The following NIPAL2 variants were observed in gnomAD, a reference collection of about 807,000 sequenced individuals.
NIPAL2 encodes the protein NIPA-like protein 2.
Under a neutral mutation model 48.9 loss-of-function variants are expected in NIPAL2, and 43 were observed. That is an observed-to-expected ratio of 0.88 (90% confidence interval 0.69 to 1.13). The LOEUF (loss-of-function observed/expected upper bound fraction) is 1.13. NIPAL2 is among the 50% of genes most tolerant of loss of function. NIPAL2 has a pLI of 0.00. For synonymous variants in NIPAL2, 167 were observed against 174.6 expected (o/e 0.96, Z 0.34); for missense variants, 446 against 461.4 (o/e 0.97, Z 0.31).
intron 1 of NIPAL2, among the ~76,000 whole-genome samples, chr8:98,287,145 T>C (rs1310003739): frequency 2.6e-5 from 4 of 152,214 alleles, no homozygotes; most frequent in Non-Finnish European, 5.9e-5. Context: ...CAAAGTCTTA[T>C]GTTAACACTA....
chr8:98,266,446 T>G (rs920877257), intron 1 of NIPAL2, among the ~76,000 whole-genome samples: 1 of 145,858 alleles, frequency 6.9e-6, no homozygotes, highest in African/African-American at 2.6e-5. Flanking sequence ...TACTAAAATA[T>G]AAAAAATTAG....
chr8:98,248,337 A>G (rs1413895009), intron 3 of NIPAL2, among the ~76,000 whole-genome samples: 1 of 152,340 alleles, frequency 6.6e-6, no homozygotes, highest in East Asian at 1.9e-4. Flanking sequence ...ATGCTCCATT[A>G]TAAAGAATAA....
At chr8:98,282,123 A>G in intron 1 of NIPAL2, among the ~76,000 whole-genome samples, 1 of 152,210 alleles carries the variant, frequency 6.6e-6, no homozygotes, top group South Asian at 2.1e-4. Flanking sequence ...GGATGGAGTT[A>G]GGGAAGCCTC....
At chr8:98,217,269 G>A in intron 5 of NIPAL2, 1 of 985,444 alleles carries the variant, frequency 1.0e-6, no homozygotes, top group African/African-American at 1.7e-5. Context: ...AAATCTTGAA[G>A]GAAAAACAGA....
chr8:98,235,498 A>T lies in NIPAL2; in HGVS notation c.436+657T>A, dbSNP rs145929349. Among the ~76,000 whole-genome samples the T allele has an allele frequency of 6.4e-3, 977 of 152,326 alleles. 13 individuals are homozygous for T. Among genetic ancestry groups the T allele is most frequent in the African/African-American group, 0.022 (895 of 41,582 alleles). On this transcript the variant is annotated intron_variant, in intron 4 of 10. Transcript: ENST00000430223. ...AATATAAATTTTAGTTAGTTGATGCATCAAATTTTTTGTGGTTTTCATTTT... is the reference window on the plus strand; with the variant it reads ...AATATAAATTTTAGTTAGTTGATGCTTCAAATTTTTTGTGGTTTTCATTTT...
chr8:98,286,022 G>C (rs1816135147), intron 1 of NIPAL2, among the ~76,000 whole-genome samples: 1 of 152,202 alleles, frequency 6.6e-6, no homozygotes, highest in African/African-American at 2.4e-5. Context: ...ATGAGGTCAT[G>C]AGGGCTGTGC....
chr8:98,276,363 C>T (rs958221838), intron 1 of NIPAL2, among the ~76,000 whole-genome samples: 1 of 152,130 alleles, frequency 6.6e-6, no homozygotes. Context: ...TTTTCAGATT[C>T]ACTTTTTTTG....
chr8:98,287,348 G>A (rs1405142226), intron 1 of NIPAL2, among the ~76,000 whole-genome samples: 2 of 152,110 alleles, frequency 1.3e-5, no homozygotes, highest in African/African-American at 2.4e-5. Context: ...TTAGTACTTC[G>A]AGATATCAAG....
chr8:98,203,846 C>CTGTGTGTG lies in NIPAL2; in HGVS notation c.792-658_792-651dup, dbSNP rs143170810. Among the ~76,000 whole-genome samples the CTGTGTGTG allele has an allele frequency of 3.2e-3, 471 of 146,820 alleles. 1 individual carries two copies. Among genetic ancestry groups the CTGTGTGTG allele is most frequent in the South Asian group, 7.8e-3 (35 of 4,500 alleles). On this transcript the variant is annotated intron_variant, in intron 7 of 10. Coordinates refer to ENST00000430223, the MANE Select transcript of NIPAL2 (RefSeq NM_001321635.2). ...GAAAAAAGTACTTTGTGGGTAGAGCCTGTGTGTGTGTGTGTGTGTGTGTGT... is the reference window on the plus strand; with the variant it reads ...GAAAAAAGTACTTTGTGGGTAGAGCCTGTGTGTGTGTGTGTGTGTGTGTGTGTGTGTGT...
chr8:98,274,368 T>A (rs1815337833), intron 1 of NIPAL2, among the ~76,000 whole-genome samples: 1 of 152,010 alleles, frequency 6.6e-6, no homozygotes, highest in South Asian at 2.1e-4. Context: ...TTGGACTGCT[T>A]TGTCTATCAG....
chr8:98,233,122 G>A (rs570557361), intron 4 of NIPAL2, among the ~76,000 whole-genome samples: 7 of 152,184 alleles, frequency 4.6e-5, no homozygotes, highest in African/African-American at 1.7e-4. Flanking sequence ...GCTGGGCGTG[G>A]TGGTGTATGC....
intron 2 of NIPAL2, among the ~76,000 whole-genome samples, chr8:98,252,969 T>TG (rs1334377365): frequency 1.3e-5 from 2 of 152,068 alleles, no homozygotes; most frequent in Admixed American, 1.3e-4. Context: ...AGTAGCAGGA[T>TG]GAAATCTCTT....
At chr8:98,204,891 G>A (rs73698716) in intron 7 of NIPAL2, among the ~76,000 whole-genome samples, 5,841 of 151,994 alleles carry the variant, frequency 0.038, 400 homozygotes, top group African/African-American at 0.13. Flanking sequence ...TTAAGGCTGC[G>A]CTTTAGAACT....
chr8:98,294,038 C>T lies in NIPAL2; in HGVS notation c.100G>A (p.Gly34Ser). The part of the protein sequence containing the change: ...FTYGAPGAGN[G>S]SLSGDWYRRN... ...CGGTACCAGTCGCCCGAGAGGGAGC[C>T]GTTGCCGGCGCCTGGTGCCCCGTAC... is the stretch of plus-strand genomic sequence containing the variant. The change falls in exon 1 of 11, where the codon GGC becomes AGC. Residue 34 changes from glycine to serine, a missense_variant. Transcript: ENST00000430223. The T allele has an allele frequency of 6.7e-7, 1 of 1,497,340 alleles. No individual in the cohort carries two copies. The highest frequency in any genetic ancestry group is 3.0e-5 in the East Asian group (1 of 33,888). The allele number at this position is 1,497,340 out of a possible 1,614,324, so 92.8% of individuals were successfully genotyped here.
intron 1 of NIPAL2, among the ~76,000 whole-genome samples, chr8:98,267,620 A>C (rs540849721): frequency 1.3e-5 from 2 of 152,044 alleles, no homozygotes; most frequent in Admixed American, 1.3e-4. Flanking sequence ...GCACCTGGCC[A>C]ATATTCTATA....
At chr8:98,221,355 A>G (rs1013385697) in intron 5 of NIPAL2, among the ~76,000 whole-genome samples, 4 of 131,322 alleles carry the variant, frequency 3.0e-5, no homozygotes, top group African/African-American at 1.0e-4. Context: ...CATTGATCTC[A>G]ACAAGGACTT....
chr8:98,208,152 T>C (rs1356213736), intron 6 of NIPAL2, among the ~76,000 whole-genome samples: 1 of 152,232 alleles, frequency 6.6e-6, no homozygotes, highest in African/African-American at 2.4e-5. Flanking sequence ...GTATTTTTCT[T>C]TGTATCTTTC....
intron 3 of NIPAL2, among the ~76,000 whole-genome samples, chr8:98,245,727 G>T (rs1211969596): frequency 6.6e-6 from 1 of 152,164 alleles, no homozygotes; most frequent in African/African-American, 2.4e-5. Context: ...TACTCTTGTG[G>T]CATGCTGAAA....
At chr8:98,240,166 G>T (rs2130799550) in intron 3 of NIPAL2, among the ~76,000 whole-genome samples, 1 of 152,296 alleles carries the variant, frequency 6.6e-6, no homozygotes, top group South Asian at 2.1e-4. Flanking sequence ...AGTTATGACT[G>T]GATATTTACT....
Sources: gnomAD v4.1 joint callset for allele counts (sites outside exome capture counted in the v4.1 genomes callset) on GRCh38, gnomAD v4.1.1 for gene constraint, MANE v1.5 for transcripts, NCBI Gene and HGNC (gene_info 2026-07-23, HGNC 2026-07-21) for gene names.